The following SLC2A13 variants were observed in gnomAD, a reference collection of about 807,000 sequenced individuals.
SLC2A13 encodes the protein proton myo-inositol cotransporter.
SLC2A13 carries 32 observed loss-of-function variants against 64.4 expected under a neutral mutation model. That is an observed-to-expected ratio of 0.50 (90% CI 0.37 to 0.67). The LOEUF is 0.67. Ranked by LOEUF, SLC2A13 falls within the 30% of genes least tolerant of loss-of-function variation. The probability of loss-of-function intolerance (pLI) is 0.00; values close to 1 mark genes in which losing one functional copy is unlikely to be tolerated. For synonymous variants in SLC2A13, 338 were observed against 327.1 expected, an observed-to-expected ratio of 1.03 and a Z score of -0.36; for missense variants, 743 against 829.2, an observed-to-expected ratio of 0.90 and a Z score of 1.28.
intron 1 of SLC2A13, among the ~76,000 whole-genome samples, chr12:40,096,738 C>G (rs1938956113): frequency 6.6e-6 from 1 of 151,828 alleles, no homozygotes; most frequent in Non-Finnish European, 1.5e-5. Flanking sequence ...ACAGTATACC[C>G]TATACATTAT....
chr12:39,879,980 G>A (rs958732062), intron 4 of SLC2A13, among the ~76,000 whole-genome samples: 3 of 152,144 alleles, frequency 2.0e-5, no homozygotes, highest in Non-Finnish European at 4.4e-5. Context: ...GTTTGGTCCT[G>A]TCTTAATGAT....
intron 3 of SLC2A13, among the ~76,000 whole-genome samples, chr12:39,992,531 C>A (rs2136168766): frequency 6.6e-6 from 1 of 152,128 alleles, no homozygotes; most frequent in East Asian, 1.9e-4. Context: ...CTCTATTTTG[C>A]CACTTTCCCC....
chr12:39,877,077 G>C (rs73104973), intron 4 of SLC2A13, among the ~76,000 whole-genome samples: 18,903 of 152,068 alleles, frequency 0.12, 1,636 homozygotes, highest in Non-Finnish European at 0.17. Context: ...CATTAAAAGA[G>C]GTTCTTTTAA....
chr12:39,860,378 G>C (rs1943726893), intron 6 of SLC2A13, among the ~76,000 whole-genome samples: 2 of 152,220 alleles, frequency 1.3e-5, no homozygotes, highest in Non-Finnish European at 2.9e-5. Flanking sequence ...TTTACAAATA[G>C]ATTATGAATT....
chr12:39,808,883 C>A (rs1942058354), intron 7 of SLC2A13, among the ~76,000 whole-genome samples: 1 of 152,086 alleles, frequency 6.6e-6, no homozygotes, highest in African/African-American at 2.4e-5. Context: ...ATTCTCTTAA[C>A]AATGTCTTTC....
chr12:39,792,974 C>T (rs1941456911), intron 7 of SLC2A13, among the ~76,000 whole-genome samples: 1 of 152,078 alleles, frequency 6.6e-6, no homozygotes, highest in South Asian at 2.1e-4. Context: ...TCTACATTTT[C>T]CTTTATGCCC....
At chr12:39,845,003 A>G (rs1943269013) in intron 6 of SLC2A13, among the ~76,000 whole-genome samples, 1 of 151,944 alleles carries the variant, frequency 6.6e-6, no homozygotes, top group Admixed American at 6.6e-5. Context: ...AATTAAAGTG[A>G]CCACTTGATA....
chr12:40,000,906 T>C (rs1476591909), intron 3 of SLC2A13, among the ~76,000 whole-genome samples: 1 of 152,070 alleles, frequency 6.6e-6, no homozygotes, highest in African/African-American at 2.4e-5. Flanking sequence ...TTAATCCCAG[T>C]GGAACAGTAA....
In SLC2A13 at chr12:39,907,352, T is replaced by A. The variant is rs572880675; in HGVS notation, c.1035-35391A>T. On this transcript the variant is annotated intron_variant, in intron 4 of 9. Coordinates refer to ENST00000280871, the MANE Select transcript of SLC2A13 (RefSeq NM_052885.4). Reference sequence around the variant, plus strand: ...AATTGTTCATGCTGATTTTCCTAATTTTCTCAATGAAGAAAGAGAAAATAT... The same window carrying A: ...AATTGTTCATGCTGATTTTCCTAATATTCTCAATGAAGAAAGAGAAAATAT... Among the ~76,000 whole-genome samples the A allele has an allele frequency of 7.9e-5, 12 of 152,254 alleles. No homozygotes were observed. In the East Asian group the frequency reaches 2.1e-3, roughly 27 times the overall value.
At chr12:39,926,835 G>A (rs1391730930) in intron 4 of SLC2A13, among the ~76,000 whole-genome samples, 1 of 152,086 alleles carries the variant, frequency 6.6e-6, no homozygotes. Context: ...GGCTGGTCTT[G>A]AACTCCTGGG....
intron 4 of SLC2A13, among the ~76,000 whole-genome samples, chr12:39,895,158 T>C (rs1042287389): frequency 6.6e-6 from 1 of 152,042 alleles, no homozygotes; most frequent in Non-Finnish European, 1.5e-5. Flanking sequence ...TGCATATCAC[T>C]GTGCCCAGCC....
chr12:40,105,909 C>T lies in SLC2A13; in HGVS notation c.-101G>A. 1 of 1,245,962 alleles carries T rather than the reference C, an allele frequency of 8.0e-7. No individual in the cohort carries two copies. The highest frequency in any genetic ancestry group is 1.0e-6 in the Non-Finnish European group (1 of 984,678). The allele number at this position is 1,245,962 out of a possible 1,614,324, so 77.2% of individuals were successfully genotyped here. On this transcript the variant is annotated 5_prime_UTR_variant, in exon 1 of 10. Coordinates refer to ENST00000280871, the MANE Select transcript of SLC2A13 (RefSeq NM_052885.4). This position sits in a 1 kb window ranked among gnomAD's most constrained non-coding sequence, Gnocchi z 4.2. ...CCGGCGGGAGCAACCGCCGCTGCCG[C>T]CGCTTTCTTCCTCCCGGCTTCCGCT...
chr12:40,037,657 A>G (rs899580306), intron 2 of SLC2A13, among the ~76,000 whole-genome samples: 1 of 151,074 alleles, frequency 6.6e-6, no homozygotes, highest in Non-Finnish European at 1.5e-5. Context: ...AAAATTCTAT[A>G]TGGGCCTGGA....
intron 6 of SLC2A13, among the ~76,000 whole-genome samples, chr12:39,837,202 T>G (rs929146300): frequency 3.3e-5 from 5 of 150,198 alleles, no homozygotes; most frequent in African/African-American, 9.9e-5. Context: ...TACAACTATC[T>G]GATCTTTGAG....
rs563070826 is a variant in SLC2A13, at chr12:39,985,217, GCT to G, written c.926-33854_926-33853del. Among the ~76,000 whole-genome samples the G allele has an allele frequency of 1.8e-4, 27 of 152,154 alleles. No homozygotes were observed. The South Asian group carries it at 4.4e-3, about 25-fold the overall frequency. On this transcript the variant is annotated intron_variant, in intron 3 of 9. Transcript: ENST00000280871. Reference sequence around the variant, plus strand: ...TCGCAATTTTGTCTCTCTTCCCAGTGCTCTGTTTTCTACTCCTCCTGCTGTTG... The same window carrying G: ...TCGCAATTTTGTCTCTCTTCCCAGTGCTGTTTTCTACTCCTCCTGCTGTTG...
intron 4 of SLC2A13, among the ~76,000 whole-genome samples, chr12:39,880,396 A>G (rs775857548): frequency 3.1e-4 from 47 of 152,222 alleles, no homozygotes; most frequent in Admixed American, 7.8e-4. Context: ...TATTTGGTAC[A>G]CTGAGAAATC....
At chr12:40,094,522 G>T (rs971029090) in intron 1 of SLC2A13, among the ~76,000 whole-genome samples, 10 of 152,184 alleles carry the variant, frequency 6.6e-5, no homozygotes, top group African/African-American at 2.2e-4. Context: ...ATTTACTTGT[G>T]TCAAATGCCT....
chr12:39,974,850 T>C (rs1245573071), intron 3 of SLC2A13, among the ~76,000 whole-genome samples: 2 of 152,228 alleles, frequency 1.3e-5, no homozygotes, highest in Admixed American at 1.3e-4. Flanking sequence ...GTAAGCCTTT[T>C]ACATAATTTT....
intron 2 of SLC2A13, among the ~76,000 whole-genome samples, chr12:40,036,184 G>A (rs530352102): frequency 1.3e-5 from 2 of 152,240 alleles, no homozygotes; most frequent in African/African-American, 4.8e-5. Context: ...CCCAGTGTAG[G>A]AGGAGTTAAG....
Sources: gnomAD v4.1 joint callset for allele counts (sites outside exome capture counted in the v4.1 genomes callset) on GRCh38, gnomAD v4.1.1 for gene constraint, Gnocchi (gnomAD v3.1) non-coding constraint, MANE v1.5 for transcripts, NCBI Gene and HGNC (gene_info 2026-07-23, HGNC 2026-07-21) for gene names.